Variants in PARG observed in about 807,000 individuals in gnomAD.
The protein encoded by PARG is poly(ADP-ribose) glycohydrolase.
A neutral mutation model predicts 113.0 loss-of-function variants in PARG; 35 were observed. The observed-to-expected ratio is 0.31, with a 90% confidence interval of 0.24 to 0.41. The LOEUF (loss-of-function observed/expected upper bound fraction) is 0.41, where lower values mean the gene tolerates loss of function less well. Among genes scored for constraint, PARG ranks in the 10% least tolerant of loss-of-function variants. PARG has a pLI of 1.00. For synonymous variants in PARG, 330 were observed against 409.9 expected, an observed-to-expected ratio of 0.81 and a Z score of 2.36; for missense variants, 797 against 1,169.4, an observed-to-expected ratio of 0.68 and a Z score of 4.64.
At position 49,831,006 on chromosome 10, in the gene PARG, C is replaced by T. The variant is rs541693014; in HGVS notation, c.2647+1797G>A. Among the ~76,000 whole-genome samples, 152 of 152,070 alleles carry T rather than the reference C, an allele frequency of 1.0e-3. 2 individuals are homozygous for T. The highest frequency in any genetic ancestry group is 2.9e-4 in the Non-Finnish European group (20 of 67,970). On this transcript the variant is annotated intron_variant, in intron 16 of 17. Coordinates refer to ENST00000616448, the MANE Select transcript of PARG (RefSeq NM_003631.5). ...CAACAGAATACTGTGTAGCCACTAA[C>T]AAATGCTGAGTACTCAGTAGATCTA...
At chr10:49,845,484 T>C (rs1445232982) in intron 13 of PARG, among the ~76,000 whole-genome samples, 2 of 152,230 alleles carry the variant, frequency 1.3e-5, no homozygotes, top group Non-Finnish European at 2.9e-5. Context: ...CTCTCAGGCA[T>C]GGGTGAAGTG....
chr10:49,841,058 G>T (rs1845209940), intron 15 of PARG, among the ~76,000 whole-genome samples: 1 of 152,138 alleles, frequency 6.6e-6, no homozygotes, highest in African/African-American at 2.4e-5. Context: ...TTCGAGACCA[G>T]CCTGGCCAAC....
At chr10:49,820,671 C>A (rs796217309) in intron 16 of PARG, among the ~76,000 whole-genome samples, 1 of 148,790 alleles carries the variant, frequency 6.7e-6, no homozygotes, top group African/African-American at 2.5e-5. Flanking sequence ...GCAGGTGAGC[C>A]GAGATCGCAC....
At position 49,832,855 on chromosome 10, in the gene PARG, C is replaced by T; in HGVS notation, c.2595G>A (p.Val865=). Residue 865 remains valine, a synonymous_variant, in exon 16 of 18, where the codon GTG becomes GTA. Coordinates refer to ENST00000616448, the MANE Select transcript of PARG (RefSeq NM_003631.5). ...CACCACAGCCCCAGTTTCCTGTGGC[C>T]ACTGCAGAAAGATTCTCTGAAGAAA... is the stretch of plus-strand genomic sequence containing the variant. ...PGVSSENLSA[V]ATGNWGCGAF... is the part of the protein sequence containing the mutation. The T allele has an allele frequency of 6.4e-7, 1 of 1,550,868 alleles. No homozygotes were observed. Among genetic ancestry groups the T allele is most frequent in the African/African-American group, 1.4e-5 (1 of 73,120 alleles).
In PARG at chr10:49,843,810, G is replaced by A. The variant is rs1370162472; in HGVS notation, c.2354-178C>T. On this transcript the variant is annotated intron_variant, in intron 13 of 17. Transcript: ENST00000616448. The stretch of plus-strand genomic sequence containing the variant: ...AGAATGTAAAAAAATAAGTCAAACT[G>A]TCCCTATTTGTAGATATCATGCTTG... 2.0e-5 allele frequency among the ~76,000 whole-genome samples: 3 copies of A among 152,218 alleles called. No homozygotes were observed. The East Asian group carries it at 5.8e-4, about 29-fold the overall frequency.
intron 1 of PARG, among the ~76,000 whole-genome samples, chr10:49,937,622 G>A (rs1183247541): frequency 1.3e-5 from 2 of 152,050 alleles, no homozygotes; most frequent in African/African-American, 2.4e-5. Context: ...TAACACACAC[G>A]AAGCACGTAC....
intron 13 of PARG, among the ~76,000 whole-genome samples, chr10:49,850,273 C>T (rs1406652503): frequency 1.4e-5 from 2 of 140,896 alleles, no homozygotes; most frequent in Non-Finnish European, 3.0e-5. Context: ...GTGAGAAACT[C>T]AAAGTGGATC....
Position 49,933,825 on chromosome 10 carries a change from T to C in PARG, c.623A>G (p.Gln208Arg). The C allele has an allele frequency of 1.9e-6, 3 of 1,611,298 alleles. No homozygotes were observed. Among genetic ancestry groups the C allele is most frequent in the Non-Finnish European group, 2.5e-6 (3 of 1,177,444 alleles). The change falls in exon 3 of 18, where the codon CAA becomes CGA. Residue 208 changes from glutamine to arginine, a missense_variant. Gln to Arg is a conservative substitution (Grantham distance 43, BLOSUM62 1). Coordinates refer to ENST00000616448, the MANE Select transcript of PARG (RefSeq NM_003631.5). ...DTDSEENRDN[Q>R]QFLTTVKLAN... ...AAGCTTTACAGTTGTGAGAAACTGT[T>C]GATTGTCTCTATTCTCTTCACTATC...
chr10:49,899,786 T>C (rs1266960314), intron 7 of PARG, among the ~76,000 whole-genome samples: 1 of 152,114 alleles, frequency 6.6e-6, no homozygotes, highest in Non-Finnish European at 1.5e-5. Flanking sequence ...CTACTTTCTT[T>C]TGGTTTGATT....
At chr10:49,860,120 T>A (rs1554835682) in intron 12 of PARG, among the ~76,000 whole-genome samples, 1 of 152,210 alleles carries the variant, frequency 6.6e-6, no homozygotes, top group African/African-American at 2.4e-5. Flanking sequence ...CCCGATCTCC[T>A]GCGGAGACAT....
chr10:49,934,910 G>A (rs1465907679), intron 2 of PARG, among the ~76,000 whole-genome samples, 166 bp downstream of exon 2: 3 of 151,134 alleles, frequency 2.0e-5, no homozygotes, highest in Non-Finnish European at 4.4e-5. Context: ...ATACAGGACA[G>A]TCCCTGGCAT....
chr10:49,912,971 C>T (rs1255264414), intron 7 of PARG, among the ~76,000 whole-genome samples: 4 of 152,170 alleles, frequency 2.6e-5, no homozygotes, highest in Admixed American at 6.5e-5. Context: ...TAAAAGAACC[C>T]TTTATAAACA....
chr10:49,846,805 G>T (rs1554833413), intron 13 of PARG, among the ~76,000 whole-genome samples: 2 of 151,758 alleles, frequency 1.3e-5, no homozygotes, highest in Non-Finnish European at 2.9e-5. Context: ...TCAAATCTTG[G>T]CTTCCAAAAA....
At position 49,912,202 on chromosome 10, in the gene PARG, A is replaced by C. The variant is rs1837225834; in HGVS notation, c.1737+3715T>G. Among the ~76,000 whole-genome samples the C allele has an allele frequency of 1.3e-5, 2 of 152,146 alleles. 1 individual carries two copies. The highest frequency in any genetic ancestry group is 4.1e-4 in the South Asian group (2 of 4,832). On this transcript the variant is annotated intron_variant, in intron 7 of 17. Transcript: ENST00000616448. ...GTAGTCCCAGCTACTCAGGAGGCTG[A>C]GGCACAAGAATTGCTTGAACCTGGG...
intron 8 of PARG, among the ~76,000 whole-genome samples, chr10:49,883,130 C>A (rs1333929589): frequency 2.0e-5 from 3 of 152,220 alleles, no homozygotes; most frequent in Non-Finnish European, 4.4e-5. Context: ...AAACATCACA[C>A]TGGAAAACAT....
chr10:49,933,044 A>C (rs1349868952), intron 3 of PARG, 133 bp downstream of exon 3: 17 of 673,870 alleles, frequency 2.5e-5, no homozygotes, highest in African/African-American at 5.5e-5. Context: ...TCTAGGTTTA[A>C]ATTTAGCATA....
chr10:49,895,406 A>G (rs1459571119), intron 7 of PARG, among the ~76,000 whole-genome samples: 1 of 151,550 alleles, frequency 6.6e-6, no homozygotes, highest in Admixed American at 6.6e-5. Flanking sequence ...GAGAACTGAT[A>G]TCTTTTTTTT....
intron 7 of PARG, among the ~76,000 whole-genome samples, chr10:49,891,788 C>A (rs570769808): frequency 1.3e-4 from 20 of 150,990 alleles, no homozygotes; most frequent in Admixed American, 8.5e-4. Flanking sequence ...CACCACCACA[C>A]CTAGCTAATT....
Position 49,933,416 on chromosome 10 carries a change from G to A in PARG, c.1032C>T (p.Phe344=), listed in dbSNP as rs1554910402. The change falls in exon 3 of 18, where the codon TTC becomes TTT. Residue 344 remains phenylalanine, a synonymous_variant. Transcript: ENST00000616448. Reference sequence around the variant, plus strand: ...ATTCAATGTCAGCGTCTCTTGCTTGGAACCTTGAAGGTTTATTTGCTGTTT... The same window carrying A: ...ATTCAATGTCAGCGTCTCTTGCTTGAAACCTTGAAGGTTTATTTGCTGTTT... The part of the protein sequence containing the change: ...SSQTANKPSR[F]QARDADIEFR... 2.0e-5 allele frequency: 32 copies of A among 1,613,342 alleles called. No individual in the cohort carries two copies. The highest frequency in any genetic ancestry group is 2.6e-5 in the Non-Finnish European group (31 of 1,179,490).
Sources: gnomAD v4.1 joint callset for allele counts (sites outside exome capture counted in the v4.1 genomes callset) on GRCh38, gnomAD v4.1.1 for gene constraint, MANE v1.5 for transcripts, NCBI Gene and HGNC (gene_info 2026-07-23, HGNC 2026-07-21) for gene names.